The following ARHGAP6 variants were observed in gnomAD, a reference collection of about 807,000 sequenced individuals.
ARHGAP6 encodes Rho GTPase activating protein 6.
Under a neutral mutation model 55.7 loss-of-function variants are expected in ARHGAP6, and 16 were observed. That is an observed-to-expected ratio of 0.29 (90% CI 0.19 to 0.44). The LOEUF is 0.44. Ranked by LOEUF, ARHGAP6 falls within the 20% of genes least tolerant of loss-of-function variation. The pLI is 1.00. For synonymous variants in ARHGAP6, 382 were observed against 360.9 expected (o/e 1.06, Z -0.66); for missense variants, 698 against 808.9 (o/e 0.86, Z 1.66).
At chrX:11,317,301 C>G (rs1451201562) in intron 1 of ARHGAP6, among the ~76,000 whole-genome samples, 3 of 112,443 alleles carry the variant, frequency 2.7e-5, no homozygotes, top group Non-Finnish European at 5.6e-5. Context: ...GCATCCCTGG[C>G]TTTTACTCAC....
chrX:11,325,967 G>T (rs1450791327), intron 1 of ARHGAP6, among the ~76,000 whole-genome samples: 1 of 111,731 alleles, frequency 9.0e-6, no homozygotes, highest in Admixed American at 9.5e-5. Flanking sequence ...AATGTCAATA[G>T]AGCTGAGGTT....
At chrX:11,196,049 G>T (rs2046534411) in intron 3 of ARHGAP6, among the ~76,000 whole-genome samples, 1 of 106,627 alleles carries the variant, frequency 9.4e-6, no homozygotes, top group Non-Finnish European at 1.9e-5. Context: ...CAGGAGAATG[G>T]CATGAACCTG....
At chrX:11,509,458 C>G (rs960863860) in intron 1 of ARHGAP6, among the ~76,000 whole-genome samples, 1 of 111,037 alleles carries the variant, frequency 9.0e-6, no homozygotes, top group African/African-American at 3.3e-5. Context: ...TTTGTGGAAC[C>G]TCAGAATCAA....
chrX:11,159,057 A>G (rs1351070457), intron 9 of ARHGAP6, among the ~76,000 whole-genome samples: 1 of 112,001 alleles, frequency 8.9e-6, no homozygotes, highest in Non-Finnish European at 1.9e-5. Context: ...AAGGAGTTGG[A>G]GAAAATCATT....
chrX:11,529,710 A>G (rs2051028115), intron 1 of ARHGAP6, among the ~76,000 whole-genome samples: 2 of 111,889 alleles, frequency 1.8e-5, no homozygotes, highest in Non-Finnish European at 3.8e-5. Flanking sequence ...TTTTATTAAT[A>G]AGAGAAGAAT....
intron 2 of ARHGAP6, among the ~76,000 whole-genome samples, chrX:11,206,928 T>C (rs1400406944): frequency 8.9e-6 from 1 of 112,005 alleles, no homozygotes; most frequent in Non-Finnish European, 1.9e-5. Flanking sequence ...GCCTGCCAGG[T>C]TTCTCTGTTT....
rs186870146 is a variant in ARHGAP6, at chrX:11,361,840, C to T, written c.589-107133G>A. Among the ~76,000 whole-genome samples, 31 of 111,806 alleles carry T rather than the reference C, an allele frequency of 2.8e-4. No homozygotes were observed. In the East Asian group the frequency reaches 3.1e-3, roughly 11 times the overall value. Reference sequence around the variant, plus strand: ...ACGACCAACCCCATCAAAAAGTGGGCGAAGGATATGAACAGACACTTCTCA... The same window carrying T: ...ACGACCAACCCCATCAAAAAGTGGGTGAAGGATATGAACAGACACTTCTCA... On this transcript the variant is annotated intron_variant, in intron 1 of 12. Transcript: ENST00000337414.
At chrX:11,221,767 A>C (rs2046975758) in intron 2 of ARHGAP6, among the ~76,000 whole-genome samples, 1 of 111,292 alleles carries the variant, frequency 9.0e-6, no homozygotes, top group Admixed American at 9.6e-5. Flanking sequence ...ATATAGATAA[A>C]TTGCGTGTCA....
intron 1 of ARHGAP6, among the ~76,000 whole-genome samples, chrX:11,610,669 C>T (rs1246036227): frequency 8.9e-6 from 1 of 112,311 alleles, no homozygotes; most frequent in East Asian, 2.8e-4. Context: ...GTGTAATTTA[C>T]ATATGATATA....
intron 1 of ARHGAP6, among the ~76,000 whole-genome samples, chrX:11,322,612 G>T (rs2048447762): frequency 8.9e-6 from 1 of 111,794 alleles, no homozygotes; most frequent in Non-Finnish European, 1.9e-5. Context: ...CACCTGCCTT[G>T]GCCTTCCAAG....
At chrX:11,171,018 G>A (rs1053938246) in intron 8 of ARHGAP6, among the ~76,000 whole-genome samples, 1 of 111,248 alleles carries the variant, frequency 9.0e-6, no homozygotes, top group Non-Finnish European at 1.9e-5. Context: ...TGGTGTGGCA[G>A]GAATGAGCCA....
At chrX:11,164,228 T>C (rs1012167049) in intron 9 of ARHGAP6, among the ~76,000 whole-genome samples, 1 of 112,561 alleles carries the variant, frequency 8.9e-6, no homozygotes, top group Non-Finnish European at 1.9e-5. Context: ...TTCTTTTGTG[T>C]AAGGAGGCAT....
intron 1 of ARHGAP6, among the ~76,000 whole-genome samples, chrX:11,373,787 A>G (rs754510280): frequency 1.8e-5 from 2 of 112,045 alleles, no homozygotes; most frequent in Admixed American, 9.4e-5. Flanking sequence ...AAATAAATTT[A>G]TCTCCTTTGG....
intron 1 of ARHGAP6, among the ~76,000 whole-genome samples, chrX:11,379,059 A>G (rs1390362836): frequency 2.7e-5 from 3 of 112,489 alleles, no homozygotes; most frequent in Non-Finnish European, 5.6e-5. Context: ...GGACTAGCTC[A>G]TGCATCTGCA....
At chrX:11,600,921 C>T (rs899184146) in intron 1 of ARHGAP6, among the ~76,000 whole-genome samples, 3 of 111,719 alleles carry the variant, frequency 2.7e-5, no homozygotes, top group African/African-American at 9.8e-5. Flanking sequence ...TCAGAGATTT[C>T]CTAGTAAAAC....
intron 1 of ARHGAP6, among the ~76,000 whole-genome samples, chrX:11,580,562 C>G (rs1289677202): frequency 1.8e-5 from 2 of 112,468 alleles, no homozygotes; most frequent in African/African-American, 6.5e-5. Flanking sequence ...TCCAAACTTA[C>G]AGCTACATCT....
chrX:11,344,698 A>G (rs2048754427), intron 1 of ARHGAP6, among the ~76,000 whole-genome samples: 1 of 103,647 alleles, frequency 9.6e-6, no homozygotes, highest in Non-Finnish European at 2.0e-5. Flanking sequence ...AAAAAAAAAA[A>G]AAAAAAGAAA....
intron 1 of ARHGAP6, 51 bp downstream of exon 1, chrX:11,664,190 T>C (rs2052728936): frequency 9.0e-7 from 1 of 1,106,494 alleles, no homozygotes; most frequent in African/African-American, 1.8e-5. Flanking sequence ...CTCCTGAAAC[T>C]GCCTGGGGGC....
chrX:11,212,727 A>T (rs1030190923), intron 2 of ARHGAP6, among the ~76,000 whole-genome samples: 1 of 112,454 alleles, frequency 8.9e-6, no homozygotes, highest in Non-Finnish European at 1.9e-5. Context: ...CTGCATTATG[A>T]TTGTCTATAG....
Sources: allele counts gnomAD v4.1 joint callset (sites outside exome capture counted in the v4.1 genomes callset), GRCh38; gene constraint gnomAD v4.1.1; transcripts MANE v1.5; gene names NCBI Gene and HGNC (gene_info 2026-07-23, HGNC 2026-07-21).